POU2F3: variants seen among roughly 807,000 people sequenced by gnomAD.
POU2F3 encodes the protein POU domain, class 2, transcription factor 3.
POU2F3 carries 23 observed loss-of-function variants against 59.2 expected under a neutral mutation model. The ratio of observed to expected loss-of-function variants is 0.39; its 90% CI spans 0.28 to 0.55. The LOEUF is 0.55. POU2F3 is among the 20% of genes least tolerant of loss of function. The pLI, the probability that POU2F3 is intolerant of heterozygous loss-of-function variation, is 0.66. For synonymous variants in POU2F3, 190 were observed against 214.6 expected, an observed-to-expected ratio of 0.89 and a Z score of 1.00; for missense variants, 473 against 544.5, an observed-to-expected ratio of 0.87 and a Z score of 1.31.
intron 10 of POU2F3, 30 bp from the exon 11 acceptor site, chr11:120,315,331 G>A: frequency 1.3e-6 from 2 of 1,585,264 alleles, no homozygotes; most frequent in South Asian, 1.1e-5. Flanking sequence ...GAGCAGAAAT[G>A]GACATTTACA....
intron 10 of POU2F3, among the ~76,000 whole-genome samples, chr11:120,314,721 G>A (rs1416353987): frequency 6.6e-6 from 1 of 152,152 alleles, no homozygotes; most frequent in Admixed American, 6.5e-5. Context: ...ACAGTGAGGG[G>A]GAGGTTCCTG....
chr11:120,236,770 T>TGA (rs887166512), upstream of POU2F3: 9 of 1,397,710 alleles, frequency 6.4e-6, no homozygotes, highest in Middle Eastern at 1.7e-4. Context: ...TGAGCAAGTC[T>TGA]GAGAGAGAAG....
chr11:120,291,813 CTTTTTTTTTTTTT>C (rs1477690936), intron 3 of POU2F3, among the ~76,000 whole-genome samples: 1 of 141,396 alleles, frequency 7.1e-6, no homozygotes, highest in East Asian at 2.2e-4. Flanking sequence ...TTTCTTTTTT[CTTTTTTTTTTTTT>C]GAGATGGAGT....
chr11:120,298,402 AT>A lies in POU2F3; in HGVS notation c.258+16del. Reference sequence around the variant, plus strand: ...CCAGCCCATGTCAGGTAACACTGTGATTTTCACAGTGGGCCAGTGTGTTTAA... The same window carrying A: ...CCAGCCCATGTCAGGTAACACTGTGATTTCACAGTGGGCCAGTGTGTTTAA... On this transcript the variant is annotated intron_variant, in intron 4 of 12. Coordinates refer to ENST00000543440, the MANE Select transcript of POU2F3 (RefSeq NM_014352.4). 6.2e-7 allele frequency: 1 copy of A among 1,613,124 alleles called. No homozygotes were observed. The highest frequency in any genetic ancestry group is 8.5e-7 in the Non-Finnish European group (1 of 1,179,686).
At chr11:120,236,660 A>G (rs994732517), upstream of POU2F3, 167 of 1,495,276 alleles carry the variant, frequency 1.1e-4, no homozygotes, top group East Asian at 2.5e-3. Context: ...CCCAGAGCTC[A>G]AAAAACCGGT....
chr11:120,274,283 G>A (rs1331923777), intron 3 of POU2F3, among the ~76,000 whole-genome samples: 1 of 152,172 alleles, frequency 6.6e-6, no homozygotes, highest in East Asian at 1.9e-4. Context: ...ATAAAGTGGG[G>A]AGAATAGTGA....
chr11:120,279,271 C>T (rs572075381), intron 3 of POU2F3, among the ~76,000 whole-genome samples: 15 of 152,206 alleles, frequency 9.9e-5, no homozygotes, highest in African/African-American at 2.4e-4. Flanking sequence ...AACTCCTCTG[C>T]GCCTCTGATT....
intron 3 of POU2F3, among the ~76,000 whole-genome samples, chr11:120,270,834 A>T (rs1266896152): frequency 6.6e-6 from 1 of 152,126 alleles, no homozygotes; most frequent in Admixed American, 6.5e-5. Context: ...CTGGGATCAC[A>T]GGCATGCACC....
chr11:120,317,419 G>A (rs1941818268), intron 12 of POU2F3, 55 bp downstream of exon 12: 6 of 1,601,554 alleles, frequency 3.7e-6, no homozygotes, highest in Non-Finnish European at 4.3e-6. Context: ...GGACATGTGA[G>A]AAGCTGAGCC....
intron 3 of POU2F3, among the ~76,000 whole-genome samples, chr11:120,271,045 T>C (rs1326938893): frequency 6.6e-6 from 1 of 152,194 alleles, no homozygotes; most frequent in African/African-American, 2.4e-5. Flanking sequence ...GGTACATTCT[T>C]CACAGTCAGA....
chr11:120,281,352 C>T (rs753596994), intron 3 of POU2F3, among the ~76,000 whole-genome samples: 17 of 151,898 alleles, frequency 1.1e-4, no homozygotes, highest in Non-Finnish European at 2.1e-4. Flanking sequence ...GAGGCCCAAA[C>T]GGTTGACTGG....
rs768813556 is a variant in POU2F3 at position 120,305,025 on chromosome 11, A to G, written c.445-5A>G. 32 of 1,593,950 alleles carry G rather than the reference A, an allele frequency of 2.0e-5. No individual in the cohort carries two copies. Among genetic ancestry groups the G allele is most frequent in the Admixed American group, 3.5e-5 (2 of 57,662 alleles). ...GGTGGATCTGCTTGGCGTGTTTCCT[A>G]TCAGGCATTTGGGCACCCTGGGCTG... On this transcript the variant is annotated splice_region_variant and splice_polypyrimidine_tract_variant and intron_variant, in intron 6 of 12. Transcript: ENST00000543440.
rs934548771 is a variant in POU2F3 at position 120,315,579 on chromosome 11, A to C, written c.1135+152A>C. On this transcript the variant is annotated intron_variant, in intron 11 of 12. Coordinates refer to ENST00000543440, the MANE Select transcript of POU2F3 (RefSeq NM_014352.4). Reference sequence around the variant, plus strand: ...TTGGGAAAAAAGGGTTCTGTGATCAAATAAGTCTGGAAAATGCTGAGGAAG... The same window carrying C: ...TTGGGAAAAAAGGGTTCTGTGATCACATAAGTCTGGAAAATGCTGAGGAAG... 1.7e-5 allele frequency: 13 copies of C among 769,508 alleles called. 1 individual carries two copies. The Admixed American group carries it at 2.5e-4, about 15-fold the overall frequency. The allele number at this position is 769,508 out of a possible 1,614,324, so 47.7% of individuals were successfully genotyped here.
At chr11:120,256,854 G>C (rs1193664752) in intron 2 of POU2F3, 1 of 152,204 alleles carries the variant, frequency 6.6e-6, no homozygotes, top group African/African-American at 2.4e-5. Flanking sequence ...TTCATATGAG[G>C]TTTCATTTGG....
chr11:120,263,765 C>T (rs1939705996), intron 2 of POU2F3, among the ~76,000 whole-genome samples: 1 of 152,170 alleles, frequency 6.6e-6, no homozygotes, highest in South Asian at 2.1e-4. Flanking sequence ...CATATGTGTT[C>T]TGTCCTTTTC....
chr11:120,252,934 G>A (rs1020719680), intron 2 of POU2F3, among the ~76,000 whole-genome samples: 2 of 152,140 alleles, frequency 1.3e-5, no homozygotes, highest in African/African-American at 4.8e-5. Context: ...GCAGCCCCCA[G>A]TAGAACTTGG....
At chr11:120,284,301 G>A (rs1326139724) in intron 3 of POU2F3, among the ~76,000 whole-genome samples, 3 of 152,200 alleles carry the variant, frequency 2.0e-5, no homozygotes, top group Non-Finnish European at 2.9e-5. Context: ...CTCTGCTCTT[G>A]TGGCTGCTTT....
intron 2 of POU2F3, among the ~76,000 whole-genome samples, chr11:120,261,503 T>C (rs1390508326): frequency 1.3e-5 from 2 of 152,118 alleles, no homozygotes; most frequent in Admixed American, 6.6e-5. Context: ...CCTGGAGAGA[T>C]CCCAGCTGTT....
intron 6 of POU2F3, 51 bp from the exon 7 acceptor site, chr11:120,304,979 A>AAAAAATT: frequency 1.3e-5 from 14 of 1,076,472 alleles, no homozygotes; most frequent in Non-Finnish European, 1.7e-5. Flanking sequence ...AAATCAGAAA[A>AAAAAATT]TGTTATTTAT....
Sources: allele counts gnomAD v4.1 joint callset (sites outside exome capture counted in the v4.1 genomes callset), GRCh38; gene constraint gnomAD v4.1.1; transcripts MANE v1.5; gene names NCBI Gene and HGNC (gene_info 2026-07-23, HGNC 2026-07-21).